Variants in ASB4 observed in about 807,000 individuals in gnomAD.
ASB4 encodes the protein ankyrin repeat and SOCS box containing 4, also known as ankyrin repeat and SOCS box protein 4.
In ASB4, 35 loss-of-function variants were observed where a neutral mutation model predicts 38.6. That is an observed-to-expected ratio of 0.91 (90% CI 0.69 to 1.20). ASB4 has a LOEUF of 1.20. ASB4 is among the 50% of genes most tolerant of loss of function. The probability of loss-of-function intolerance (pLI) is 0.00; values close to 1 mark genes in which losing one functional copy is unlikely to be tolerated. For missense variants in ASB4, 557 were observed against 527.2 expected, an observed-to-expected ratio of 1.06 and a Z score of -0.55; for synonymous variants, 195 against 201.3, an observed-to-expected ratio of 0.97 and a Z score of 0.26.
intron 2 of ASB4, among the ~76,000 whole-genome samples, chr7:95,523,143 A>ATTTTAAACATT (rs1391378352): frequency 1.3e-5 from 2 of 152,220 alleles, no homozygotes; most frequent in African/African-American, 4.8e-5. Flanking sequence ...GACGAATCAA[A>ATTTTAAACATT]TTTTAAACAT....
chr7:95,534,035 A>G (rs1790855146), intron 3 of ASB4, among the ~76,000 whole-genome samples: 1 of 152,032 alleles, frequency 6.6e-6, no homozygotes, highest in Non-Finnish European at 1.5e-5. Context: ...GGGAGCATCT[A>G]TTGTGTACAT....
intron 3 of ASB4, among the ~76,000 whole-genome samples, chr7:95,534,056 C>G (rs1289737456): frequency 6.6e-6 from 1 of 151,020 alleles, no homozygotes; most frequent in South Asian, 2.1e-4. Context: ...TTTTTGCTGA[C>G]ATGAATGGCT....
chr7:95,470,713 A>C, the ASB4 span, among the ~76,000 whole-genome samples: 1 of 152,164 alleles, frequency 6.6e-6, no homozygotes, highest in Non-Finnish European at 1.5e-5. Context: ...GTGGCGACTG[A>C]ATCTAAGAAG....
intron 2 of ASB4, among the ~76,000 whole-genome samples, chr7:95,524,104 C>T (rs575428951): frequency 6.6e-6 from 1 of 152,262 alleles, no homozygotes; most frequent in Admixed American, 6.5e-5. Context: ...GATATGCATA[C>T]CCAGTGACCC....
intron 2 of ASB4, among the ~76,000 whole-genome samples, chr7:95,505,538 T>C (rs1790395297): frequency 6.6e-6 from 1 of 152,212 alleles, no homozygotes; most frequent in Admixed American, 6.5e-5. Flanking sequence ...CTGATTAGTT[T>C]GGTATTTAGC....
the ASB4 span, among the ~76,000 whole-genome samples, chr7:95,472,840 C>T: frequency 0.022 from 3,403 of 152,248 alleles, 114 homozygotes; most frequent in African/African-American, 0.076. Flanking sequence ...CACCCAGAAA[C>T]GTGCACTTCC....
chr7:95,476,785 T>C (rs1789981816), upstream of ASB4, among the ~76,000 whole-genome samples: 1 of 152,166 alleles, frequency 6.6e-6, no homozygotes, highest in African/African-American at 2.4e-5. Flanking sequence ...AAGACAACGG[T>C]CTGTAAAGAA....
intron 2 of ASB4, among the ~76,000 whole-genome samples, chr7:95,517,656 G>C (rs968494888): frequency 6.6e-6 from 1 of 152,048 alleles, no homozygotes; most frequent in Non-Finnish European, 1.5e-5. Flanking sequence ...ATATAGTAGA[G>C]AGGTGTGGTA....
At chr7:95,480,372 A>G (rs1262897327) in intron 1 of ASB4, among the ~76,000 whole-genome samples, 1 of 152,188 alleles carries the variant, frequency 6.6e-6, no homozygotes, top group African/African-American at 2.4e-5. Flanking sequence ...GGTAGCTAAG[A>G]TGGACCCCAT....
At chr7:95,551,249 G>A in the ASB4 span, among the ~76,000 whole-genome samples, 11 of 152,110 alleles carry the variant, frequency 7.2e-5, no homozygotes, top group Non-Finnish European at 1.3e-4. Context: ...CCTAAATGCT[G>A]GGATTACAAG....
At chr7:95,545,817 A>T in the ASB4 span, among the ~76,000 whole-genome samples, 3 of 152,246 alleles carry the variant, frequency 2.0e-5, no homozygotes, top group African/African-American at 7.2e-5. Flanking sequence ...AAAAGCCTCC[A>T]AAATGAGATA....
At chr7:95,515,694 C>A (rs894616022) in intron 2 of ASB4, among the ~76,000 whole-genome samples, 6 of 152,154 alleles carry the variant, frequency 3.9e-5, no homozygotes, top group Admixed American at 1.3e-4. Context: ...GGACTACAGG[C>A]GTGAGCCACT....
In ASB4 at chr7:95,496,664, T is replaced by G. The variant is rs568531573; in HGVS notation, c.487+607T>G. Among the ~76,000 whole-genome samples, 7 of 152,060 alleles carry G rather than the reference T, an allele frequency of 4.6e-5. No individual in the cohort carries two copies. The South Asian group carries it at 1.5e-3, about 32-fold the overall frequency. On this transcript the variant is annotated intron_variant, in intron 2 of 4. Coordinates refer to ENST00000325885, the MANE Select transcript of ASB4 (RefSeq NM_016116.3). ...GAGTTCGAGACCAGTCTCGGCAACA[T>G]AGGGAGACCCCATCTCTACAAAAAG...
intron 2 of ASB4, among the ~76,000 whole-genome samples, chr7:95,527,416 C>G (rs558155615): frequency 6.6e-6 from 1 of 152,138 alleles, no homozygotes; most frequent in Non-Finnish European, 1.5e-5. Flanking sequence ...TTTAAAGAGT[C>G]AAGTGTTGTG....
At chr7:95,483,427 A>C (rs1010236230), upstream of ASB4, among the ~76,000 whole-genome samples, 9 of 152,176 alleles carry the variant, frequency 5.9e-5, no homozygotes, top group Admixed American at 5.2e-4. Context: ...AAACACAGAG[A>C]ATTTTATTCA....
chr7:95,499,767 C>T (rs1178122137), intron 2 of ASB4, among the ~76,000 whole-genome samples: 1 of 150,552 alleles, frequency 6.6e-6, no homozygotes, highest in African/African-American at 2.4e-5. Flanking sequence ...GGAAATGATT[C>T]ATAGAAAGAA....
At chr7:95,498,072 T>C (rs1049654169) in intron 2 of ASB4, among the ~76,000 whole-genome samples, 15 of 152,242 alleles carry the variant, frequency 9.9e-5, no homozygotes, top group Non-Finnish European at 1.3e-4. Flanking sequence ...GTGGTAAATT[T>C]ATAAGAAACT....
upstream of ASB4, among the ~76,000 whole-genome samples, chr7:95,482,753 A>G (rs571640464): frequency 3.3e-5 from 5 of 152,178 alleles, no homozygotes; most frequent in Non-Finnish European, 7.4e-5. Context: ...CCTTGTAGCT[A>G]GGAAGGCTAG....
At chr7:95,548,016 AATGG>A in the ASB4 span, among the ~76,000 whole-genome samples, 1 of 152,246 alleles carries the variant, frequency 6.6e-6, no homozygotes, top group African/African-American at 2.4e-5. Context: ...TGACTAATAC[AATGG>A]ATGAATATGC....
Sources: allele counts gnomAD v4.1 joint callset (sites outside exome capture counted in the v4.1 genomes callset), GRCh38; gene constraint gnomAD v4.1.1; transcripts MANE v1.5; gene names NCBI Gene and HGNC (gene_info 2026-07-23, HGNC 2026-07-21).